The following EPB41 variants were observed in gnomAD, a reference collection of about 807,000 sequenced individuals.
The protein encoded by EPB41 is erythrocyte membrane protein band 4.1.
In EPB41, 65 loss-of-function variants were observed where a neutral mutation model predicts 108.0. The observed-to-expected ratio is 0.60, with a 90% CI of 0.49 to 0.74. The LOEUF (loss-of-function observed/expected upper bound fraction) is 0.74. Ranked by LOEUF, EPB41 falls within the 30% of genes least tolerant of loss-of-function variation. The pLI, the probability that EPB41 is intolerant of heterozygous loss-of-function variation, is 0.00. For synonymous variants in EPB41, 336 were observed against 358.9 expected (o/e 0.94, Z 0.72); for missense variants, 875 against 1,037.0 (o/e 0.84, Z 2.15).
intron 16 of EPB41, chr1:29,068,811 C>T: frequency 8.1e-7 from 1 of 1,231,378 alleles, no homozygotes; most frequent in African/African-American, 1.6e-5. Flanking sequence ...ACTTGTGCTT[C>T]TCAATCAGAA....
intron 1 of EPB41, among the ~76,000 whole-genome samples, chr1:28,945,115 G>T (rs935158578): frequency 4.0e-5 from 6 of 150,336 alleles, no homozygotes; most frequent in African/African-American, 1.5e-4. Flanking sequence ...AAAAGAACCA[G>T]AATATAATCC....
rs539468170 is a variant in EPB41, at chr1:28,974,865, G to A, written c.-7-12566G>A. On this transcript the variant is annotated intron_variant, in intron 1 of 20. Coordinates refer to ENST00000343067, the MANE Select transcript of EPB41 (RefSeq NM_001376013.1). Reference sequence around the variant, plus strand: ...GCTGGAGTGCCGTGGCGTGATCTTGGCTCACTGCAACCTCCGCCTCCCGGG... The same window carrying A: ...GCTGGAGTGCCGTGGCGTGATCTTGACTCACTGCAACCTCCGCCTCCCGGG... 5.9e-5 allele frequency among the ~76,000 whole-genome samples: 9 copies of A among 151,910 alleles called. No homozygotes were observed. In the East Asian group the frequency reaches 1.7e-3, roughly 29 times the overall value.
chr1:29,075,320 A>C (rs931802506), intron 16 of EPB41, among the ~76,000 whole-genome samples: 2 of 151,812 alleles, frequency 1.3e-5, no homozygotes, highest in Admixed American at 1.3e-4. Flanking sequence ...TCTACTAAAA[A>C]TACAAAAATT....
At chr1:28,971,306 C>T (rs985899485) in intron 1 of EPB41, among the ~76,000 whole-genome samples, 1 of 150,430 alleles carries the variant, frequency 6.6e-6, no homozygotes, top group South Asian at 2.1e-4. Context: ...GCCTCAGCCT[C>T]CCAAGTAGCT....
intron 1 of EPB41, among the ~76,000 whole-genome samples, chr1:28,977,958 T>C (rs370485683): frequency 4.7e-5 from 7 of 149,384 alleles, no homozygotes; most frequent in East Asian, 3.9e-4. Flanking sequence ...TATATTCTCT[T>C]TTTTTTTTTA....
intron 16 of EPB41, among the ~76,000 whole-genome samples, chr1:29,082,439 T>C (rs1657106533): frequency 6.6e-6 from 1 of 152,182 alleles, no homozygotes; most frequent in Non-Finnish European, 1.5e-5. Context: ...GTAACTGTTT[T>C]CTAGATATCA....
chr1:29,036,397 T>G, intron 10 of EPB41, among the ~76,000 whole-genome samples: 1 of 151,402 alleles, frequency 6.6e-6, no homozygotes, highest in East Asian at 2.0e-4. Context: ...GTAGCTGGGA[T>G]TACAGGCACC....
In EPB41 at chr1:28,987,351, A is replaced by C. The variant is rs554557823; in HGVS notation, c.-7-80A>C. 15 of 1,242,902 alleles carry C rather than the reference A, an allele frequency of 1.2e-5. No homozygotes were observed. The Admixed American group carries it at 2.7e-4, about 22-fold the overall frequency. 77.0% of individuals were successfully genotyped at this position (1,242,902 alleles called of 1,614,324 possible). On this transcript the variant is annotated intron_variant, in intron 1 of 20. Coordinates refer to ENST00000343067, the MANE Select transcript of EPB41 (RefSeq NM_001376013.1). Reference sequence around the variant, plus strand: ...GGCAATTAAATACCTAAGTATATTAATTTTTTAGGGTTTAGGGTTTTGCCA... The same window carrying C: ...GGCAATTAAATACCTAAGTATATTACTTTTTTAGGGTTTAGGGTTTTGCCA...
intron 4 of EPB41, among the ~76,000 whole-genome samples, chr1:29,011,291 C>CGAG (rs1309357662): frequency 1.3e-5 from 2 of 149,266 alleles, no homozygotes; most frequent in African/African-American, 4.9e-5. Context: ...CTTGAACCCA[C>CGAG]GAGGCGGAGG....
chr1:29,010,168 C>T (rs555702270), intron 4 of EPB41, among the ~76,000 whole-genome samples: 1 of 152,096 alleles, frequency 6.6e-6, no homozygotes, highest in Admixed American at 6.5e-5. Context: ...GAAACCCCAT[C>T]TCTACTAAAA....
intron 4 of EPB41, among the ~76,000 whole-genome samples, chr1:29,007,009 G>T (rs917398743): frequency 6.6e-6 from 1 of 151,902 alleles, no homozygotes; most frequent in Admixed American, 6.6e-5. Context: ...CTTCTCTTAG[G>T]TAGGGTTTCT....
Position 29,062,824 on chromosome 1 carries a change from C to T in EPB41, c.2008-2158C>T, listed in dbSNP as rs78671050. Among the ~76,000 whole-genome samples the T allele has an allele frequency of 7.7e-3, 1,173 of 152,082 alleles. 9 individuals carry two copies. Among genetic ancestry groups the T allele is most frequent in the African/African-American group, 0.027 (1,104 of 41,482 alleles). On this transcript the variant is annotated intron_variant, in intron 15 of 20. Coordinates refer to ENST00000343067, the MANE Select transcript of EPB41 (RefSeq NM_001376013.1). ...TGACAAATTCTATTTGGAACAGGTC[C>T]CTTTGAGATCTTAATTTTACTCTGT... is the stretch of plus-strand genomic sequence containing the variant.
chr1:29,011,703 G>T (rs2096504400), intron 4 of EPB41, among the ~76,000 whole-genome samples, 162 bp from the exon 5 acceptor site: 1 of 152,150 alleles, frequency 6.6e-6, no homozygotes, highest in Non-Finnish European at 1.5e-5. Context: ...CTTTTTGTCT[G>T]CTCAAAATCA....
intron 11 of EPB41, among the ~76,000 whole-genome samples, chr1:29,052,227 TC>T (rs1644654657): frequency 6.6e-6 from 1 of 152,188 alleles, no homozygotes; most frequent in Non-Finnish European, 1.5e-5. Context: ...AATTAAGGTT[TC>T]TCAACCTCAG....
chr1:28,950,617 C>A (rs899296151), intron 1 of EPB41, among the ~76,000 whole-genome samples: 1 of 152,240 alleles, frequency 6.6e-6, no homozygotes, highest in Non-Finnish European at 1.5e-5. Context: ...AGGGCCTCCC[C>A]TCTCCCTTCT....
At chr1:29,036,353 G>A (rs986648263) in intron 10 of EPB41, among the ~76,000 whole-genome samples, 4 of 147,054 alleles carry the variant, frequency 2.7e-5, no homozygotes, top group African/African-American at 1.0e-4. Flanking sequence ...TCCGCCTCCC[G>A]GGTTCAAGTG....
In EPB41 at chr1:29,117,976, A is replaced by T. The variant is rs1278907181; in HGVS notation, c.*1164A>T. 6.6e-6 allele frequency: 1 copy of T among 152,138 alleles called. No individual in the cohort carries two copies. The highest frequency in any genetic ancestry group is 1.5e-5 in the Non-Finnish European group (1 of 67,990). The allele number at this position is 152,138 out of a possible 1,614,324, so 9.4% of individuals were successfully genotyped here. A position where few individuals can be genotyped will look rare whatever the true frequency, so the allele number is the denominator to read the frequency against. ...ATAAGCCCCAGCCCTGCTCATTCCC[A>T]CTCACCAGCTGAGGTCTGTCAGGTT... On this transcript the variant is annotated 3_prime_UTR_variant, in exon 21 of 21. Coordinates refer to ENST00000343067, the MANE Select transcript of EPB41 (RefSeq NM_001376013.1).
upstream of EPB41, chr1:28,910,921 C>T: frequency 1.0e-6 from 1 of 956,794 alleles, no homozygotes; most frequent in Non-Finnish European, 1.2e-6. Flanking sequence ...CATCCTGGGG[C>T]TTGGGGCATA....
chr1:28,895,901 C>A (rs112264297), intron 1 of EPB41, among the ~76,000 whole-genome samples: 1 of 152,190 alleles, frequency 6.6e-6, no homozygotes, highest in African/African-American at 2.4e-5. Flanking sequence ...GTGGGAGCTA[C>A]TGACGTGTTT....
Sources: allele counts gnomAD v4.1 joint callset (sites outside exome capture counted in the v4.1 genomes callset), GRCh38; gene constraint gnomAD v4.1.1; transcripts MANE v1.5; gene names NCBI Gene and HGNC (gene_info 2026-07-23, HGNC 2026-07-21).